Variants in CADPS observed in about 807,000 individuals in gnomAD.
CADPS encodes the protein calcium-dependent secretion activator 1.
CADPS carries 57 observed loss-of-function variants against 167.3 expected under a neutral mutation model. The ratio of observed to expected loss-of-function variants is 0.34; its 90% CI spans 0.28 to 0.42. CADPS has a LOEUF of 0.42. Ranked by LOEUF, CADPS falls within the 20% of genes least tolerant of loss-of-function variation. CADPS has a pLI of 1.00. For missense variants in CADPS, 1,414 were observed against 1,738.1 expected (o/e 0.81, Z 3.32); for synonymous variants, 676 against 635.3 (o/e 1.06, Z -0.96).
intron 3 of CADPS, among the ~76,000 whole-genome samples, chr3:62,723,974 G>A (rs2076285566): frequency 6.6e-6 from 1 of 152,226 alleles, no homozygotes; most frequent in African/African-American, 2.4e-5. Context: ...CACAGTTCAG[G>A]TGGCCTTATG....
chr3:62,731,804 G>GCAAAAAAAAAAAAA (rs2077883287), intron 3 of CADPS, among the ~76,000 whole-genome samples: 1 of 9,188 alleles, frequency 1.1e-4, no homozygotes, highest in African/African-American at 7.2e-4. Context: ...CTGATCATAT[G>GCAAAAAAAAAAAAA]CAAAAAAAAA....
chr3:62,426,696 A>G (rs2052765286), intron 28 of CADPS, among the ~76,000 whole-genome samples: 2 of 152,268 alleles, frequency 1.3e-5, no homozygotes, highest in Admixed American at 6.5e-5. Flanking sequence ...CAGACCCAGG[A>G]ATTAAACTTA....
At chr3:62,569,944 A>G (rs919823293) in intron 9 of CADPS, among the ~76,000 whole-genome samples, 6 of 152,198 alleles carry the variant, frequency 3.9e-5, no homozygotes, top group African/African-American at 4.8e-5. Flanking sequence ...AAGGACAGGT[A>G]TTACTATTTC....
chr3:62,538,116 G>A (rs1424526498), intron 11 of CADPS, among the ~76,000 whole-genome samples: 1 of 152,108 alleles, frequency 6.6e-6, no homozygotes, highest in Admixed American at 6.6e-5. Context: ...GAGAATCTGA[G>A]AGAATCCTCC....
At chr3:62,410,047 C>CAT (rs2149220359) in intron 28 of CADPS, among the ~76,000 whole-genome samples, 1 of 152,230 alleles carries the variant, frequency 6.6e-6, no homozygotes, top group African/African-American at 2.4e-5. Context: ...CACACACATA[C>CAT]ATATATACAC....
At chr3:62,408,599 G>T (rs528145868) in intron 28 of CADPS, among the ~76,000 whole-genome samples, 1 of 152,304 alleles carries the variant, frequency 6.6e-6, no homozygotes, top group South Asian at 2.1e-4. Context: ...TATATAGAGT[G>T]TTGCTACAAT....
At chr3:62,817,266 A>G (rs529579203) in intron 1 of CADPS, among the ~76,000 whole-genome samples, 2 of 152,300 alleles carry the variant, frequency 1.3e-5, no homozygotes, top group East Asian at 3.9e-4. Flanking sequence ...GAAAGGTCAG[A>G]TACACAGTAT....
intron 28 of CADPS, among the ~76,000 whole-genome samples, chr3:62,414,027 G>A (rs895864452): frequency 6.6e-6 from 1 of 152,202 alleles, no homozygotes; most frequent in African/African-American, 2.4e-5. Flanking sequence ...GGTAGCATTT[G>A]CTCAGTCATT....
At chr3:62,679,647 C>G (rs2076840431) in intron 3 of CADPS, among the ~76,000 whole-genome samples, 1 of 152,172 alleles carries the variant, frequency 6.6e-6, no homozygotes, top group African/African-American at 2.4e-5. Context: ...ACCAGCCCAA[C>G]TAAGTAAAAT....
rs921142813 is a variant in CADPS at position 62,421,599 on chromosome 3, CTTTAT to C, written c.3777+16500_3777+16504del. 1.3e-5 allele frequency among the ~76,000 whole-genome samples: 2 copies of C among 152,352 alleles called. No homozygotes were observed. Among genetic ancestry groups the C allele is most frequent in the East Asian group, 1.9e-4 (1 of 5,182 alleles). ...AGACAGTAGTCTTGCTAGAAAGAGACTTTATTTTAACTTTGATTGGCTTCGTTCCC... is the reference window on the plus strand; with the variant it reads ...AGACAGTAGTCTTGCTAGAAAGAGACTTTAACTTTGATTGGCTTCGTTCCC... On this transcript the variant is annotated intron_variant, in intron 28 of 29. Coordinates refer to ENST00000383710, the MANE Select transcript of CADPS (RefSeq NM_003716.4). This position sits in a 1 kb window ranked among gnomAD's most constrained non-coding sequence, Gnocchi z 4.7.
At chr3:62,757,444 C>T (rs2084240212) in intron 2 of CADPS, among the ~76,000 whole-genome samples, 1 of 152,092 alleles carries the variant, frequency 6.6e-6, no homozygotes. Flanking sequence ...TGGCATGTAG[C>T]TGGTGCTCAG....
chr3:62,426,457 G>GT (rs1202726367), intron 28 of CADPS, among the ~76,000 whole-genome samples: 6 of 152,112 alleles, frequency 3.9e-5, no homozygotes, highest in African/African-American at 1.4e-4. Context: ...CCGTGTGTTG[G>GT]TTTTTTACAC....
At chr3:62,617,535 T>C (rs1256050269) in intron 6 of CADPS, among the ~76,000 whole-genome samples, 1 of 152,152 alleles carries the variant, frequency 6.6e-6, no homozygotes, top group African/African-American at 2.4e-5. Flanking sequence ...GTTCCCACTT[T>C]CAAGGGGGCT....
At chr3:62,866,025 T>A (rs1273665598) in intron 1 of CADPS, among the ~76,000 whole-genome samples, 1 of 152,118 alleles carries the variant, frequency 6.6e-6, no homozygotes, top group African/African-American at 2.4e-5. Flanking sequence ...GCACACCCAA[T>A]ATGAAAACTT....
At chr3:62,728,137 G>C (rs1378423175) in intron 3 of CADPS, among the ~76,000 whole-genome samples, 1 of 151,666 alleles carries the variant, frequency 6.6e-6, no homozygotes, top group Non-Finnish European at 1.5e-5. Context: ...TTAGGCTGCT[G>C]CAAAAGTAAT....
chr3:62,651,156 G>T, intron 4 of CADPS, 76 bp from the exon 5 acceptor site: 1 of 954,912 alleles, frequency 1.0e-6, no homozygotes, highest in Non-Finnish European at 1.6e-6. Context: ...TTGTCCCATG[G>T]CCCAGAGTTA....
At chr3:62,811,375 T>C (rs1487903639) in intron 1 of CADPS, among the ~76,000 whole-genome samples, 1 of 152,098 alleles carries the variant, frequency 6.6e-6, no homozygotes, top group East Asian at 1.9e-4. Context: ...GTTATCTGCT[T>C]GTCATTTCCA....
At chr3:62,652,468 A>G (rs909245359) in intron 4 of CADPS, among the ~76,000 whole-genome samples, 1 of 151,712 alleles carries the variant, frequency 6.6e-6, no homozygotes, top group Non-Finnish European at 1.5e-5. Flanking sequence ...TGAACCAACT[A>G]ATTTTATTAG....
At chr3:62,630,251 A>T (rs1407499579) in intron 6 of CADPS, among the ~76,000 whole-genome samples, 1 of 152,216 alleles carries the variant, frequency 6.6e-6, no homozygotes, top group Non-Finnish European at 1.5e-5. Flanking sequence ...GTTAAAACAC[A>T]TAAACAGCAA....
Sources: allele counts gnomAD v4.1 joint callset (sites outside exome capture counted in the v4.1 genomes callset), GRCh38; gene constraint gnomAD v4.1.1; non-coding constraint Gnocchi (gnomAD v3.1); transcripts MANE v1.5; gene names NCBI Gene and HGNC (gene_info 2026-07-23, HGNC 2026-07-21).